Variants in NOX4 observed in about 807,000 individuals in gnomAD.
NOX4 encodes the protein kidney oxidase-1.
Under a neutral mutation model 87.6 loss-of-function variants are expected in NOX4, and 69 were observed. The ratio of observed to expected loss-of-function variants is 0.79; its 90% CI spans 0.65 to 0.96. The LOEUF (loss-of-function observed/expected upper bound fraction) is 0.96. Ranked by LOEUF, NOX4 falls within the 40% of genes least tolerant of loss-of-function variation. NOX4 has a pLI of 0.00. For synonymous variants in NOX4, 275 were observed against 238.2 expected, an observed-to-expected ratio of 1.15 and a Z score of -1.42; for missense variants, 680 against 681.5, an observed-to-expected ratio of 1.00 and a Z score of 0.02.
At chr11:89,423,612 G>T (rs1238634726) in intron 7 of NOX4, among the ~76,000 whole-genome samples, 4 of 151,950 alleles carry the variant, frequency 2.6e-5, no homozygotes, top group African/African-American at 7.3e-5. Context: ...GTTTAGTAAG[G>T]CACATCCCTC....
intron 2 of NOX4, among the ~76,000 whole-genome samples, chr11:89,489,966 G>T (rs1239000032): frequency 1.3e-5 from 2 of 152,114 alleles, no homozygotes; most frequent in Non-Finnish European, 2.9e-5. Context: ...AATATCATCA[G>T]CCACTAACCC....
intron 8 of NOX4, among the ~76,000 whole-genome samples, chr11:89,405,905 C>G (rs966420814): frequency 4.6e-5 from 7 of 151,992 alleles, no homozygotes; most frequent in African/African-American, 1.7e-4. Context: ...CTGTACCAGG[C>G]CTATTCCCCT....
the NOX4 span, among the ~76,000 whole-genome samples, chr11:89,577,815 T>A: frequency 6.6e-6 from 1 of 152,136 alleles, no homozygotes; most frequent in African/African-American, 2.4e-5. Flanking sequence ...AATTAATTTA[T>A]ATATTAATAA....
chr11:89,416,090 G>C (rs778803895), intron 8 of NOX4, among the ~76,000 whole-genome samples: 1 of 152,070 alleles, frequency 6.6e-6, no homozygotes, highest in Non-Finnish European at 1.5e-5. Context: ...CACTGCCTAG[G>C]AGTAGGTAGA....
At chr11:89,403,667 G>C (rs770724620) in intron 8 of NOX4, among the ~76,000 whole-genome samples, 1 of 152,024 alleles carries the variant, frequency 6.6e-6, no homozygotes. Context: ...GCTTGAACCC[G>C]GGAGGCGGAG....
intron 6 of NOX4, among the ~76,000 whole-genome samples, chr11:89,435,135 T>G (rs1221603702): frequency 1.3e-5 from 2 of 152,114 alleles, no homozygotes; most frequent in Admixed American, 1.3e-4. Flanking sequence ...TCAATTATAA[T>G]TTCATAAATT....
At chr11:89,422,020 C>A (rs2135264948) in intron 7 of NOX4, 38 bp from the exon 8 acceptor site, 1 of 1,068,996 alleles carries the variant, frequency 9.4e-7, no homozygotes, top group Non-Finnish European at 1.4e-6. Context: ...TGCTACTTTA[C>A]ATTCCATCTT....
At chr11:89,390,654 A>G (rs1277009465) in intron 11 of NOX4, among the ~76,000 whole-genome samples, 1 of 152,190 alleles carries the variant, frequency 6.6e-6, no homozygotes, top group Non-Finnish European at 1.5e-5. Context: ...CATTTGTCAG[A>G]TAAGCACAGA....
chr11:89,423,123 C>T (rs1037846311), intron 7 of NOX4, among the ~76,000 whole-genome samples: 2 of 151,982 alleles, frequency 1.3e-5, no homozygotes, highest in African/African-American at 4.8e-5. Context: ...AAATCAAAAC[C>T]ATTAGAATTT....
At chr11:89,563,545 C>G in the NOX4 span, among the ~76,000 whole-genome samples, 198 of 152,224 alleles carry the variant, frequency 1.3e-3, 2 homozygotes, top group Middle Eastern at 3.4e-3. Flanking sequence ...TGCTTTCTGA[C>G]AAGAACTTGC....
rs1449399378 is a variant in NOX4 at position 89,359,681 on chromosome 11, C to T, written c.1136-4638G>A. On this transcript the variant is annotated intron_variant, in intron 12 of 17. Coordinates refer to ENST00000263317, the MANE Select transcript of NOX4 (RefSeq NM_016931.5). Reference sequence around the variant, plus strand: ...AAAGACCTATTGTTTGCTAGAGAGACCCAGACAGGTTTTGCCAATTCCAAA... The same window carrying T: ...AAAGACCTATTGTTTGCTAGAGAGATCCAGACAGGTTTTGCCAATTCCAAA... Among the ~76,000 whole-genome samples, 8 of 152,038 alleles carry T rather than the reference C, an allele frequency of 5.3e-5. No individual in the cohort carries two copies. The South Asian group carries it at 1.7e-3, about 32-fold the overall frequency.
the NOX4 span, among the ~76,000 whole-genome samples, chr11:89,578,246 C>G: frequency 1.3e-5 from 2 of 151,684 alleles, no homozygotes; most frequent in African/African-American, 4.9e-5. Context: ...ACTGCAACCT[C>G]TGCCTCCCGG....
At chr11:89,341,644 T>C (rs967908688) in intron 14 of NOX4, among the ~76,000 whole-genome samples, 1 of 152,224 alleles carries the variant, frequency 6.6e-6, no homozygotes, top group Non-Finnish European at 1.5e-5. Context: ...CTTTTTTACT[T>C]GCCCCATTTG....
chr11:89,386,749 A>T (rs1374110044), intron 11 of NOX4, among the ~76,000 whole-genome samples: 1 of 152,146 alleles, frequency 6.6e-6, no homozygotes, highest in Non-Finnish European at 1.5e-5. Flanking sequence ...GTATGACAAC[A>T]TAAAAAAACT....
intron 2 of NOX4, among the ~76,000 whole-genome samples, chr11:89,453,880 TTAGG>T (rs1315240466): frequency 2.6e-5 from 4 of 152,162 alleles, no homozygotes; most frequent in African/African-American, 9.7e-5. Flanking sequence ...AAGGCACATA[TTAGG>T]TAATAAACAT....
At chr11:89,407,004 A>C (rs1375028233) in intron 8 of NOX4, among the ~76,000 whole-genome samples, 2 of 152,068 alleles carry the variant, frequency 1.3e-5, no homozygotes, top group Non-Finnish European at 1.5e-5. Flanking sequence ...ATATGCACAA[A>C]GGTACTTGGT....
intron 2 of NOX4, among the ~76,000 whole-genome samples, chr11:89,471,099 T>A (rs1267411913): frequency 1.3e-5 from 2 of 152,198 alleles, no homozygotes; most frequent in Non-Finnish European, 2.9e-5. Flanking sequence ...ACTCTCCAAA[T>A]TTCCCTTTTA....
the NOX4 span, among the ~76,000 whole-genome samples, chr11:89,510,603 T>C: frequency 1.3e-5 from 2 of 152,176 alleles, no homozygotes; most frequent in African/African-American, 2.4e-5. Context: ...ACTCTATACT[T>C]GAGTGTAGAA....
intron 2 of NOX4, among the ~76,000 whole-genome samples, chr11:89,452,467 A>C (rs1945005530): frequency 6.6e-6 from 1 of 152,162 alleles, no homozygotes; most frequent in African/African-American, 2.4e-5. Context: ...AAACTAGGAG[A>C]GAACCCACTG....
Sources: gnomAD v4.1 joint callset for allele counts (sites outside exome capture counted in the v4.1 genomes callset) on GRCh38, gnomAD v4.1.1 for gene constraint, MANE v1.5 for transcripts, NCBI Gene and HGNC (gene_info 2026-07-23, HGNC 2026-07-21) for gene names.